The following SNRPN variants were observed in gnomAD, a reference collection of about 807,000 sequenced individuals.
SNRPN encodes the protein small nuclear ribonucleoprotein polypeptide N, also known as small nuclear ribonucleoprotein-associated protein N.
Under a neutral mutation model 25.2 loss-of-function variants are expected in SNRPN, and 7 were observed. The observed-to-expected ratio is 0.28, with a 90% CI of 0.16 to 0.52. The LOEUF is 0.52. Among genes scored for constraint, SNRPN ranks in the 20% least tolerant of loss-of-function variants. The pLI, the probability that SNRPN is intolerant of heterozygous loss-of-function variation, is 0.96. For missense variants in SNRPN, 196 were observed against 322.5 expected (o/e 0.61, Z 3.00); for synonymous variants, 124 against 110.6 (o/e 1.12, Z -0.76).
intron 6 of SNRPN, among the ~76,000 whole-genome samples, chr15:24,976,632 A>G (rs912859578): frequency 1.3e-5 from 2 of 152,228 alleles, no homozygotes; most frequent in African/African-American, 2.4e-5. Flanking sequence ...AGGTAAGGGT[A>G]GGAGTTGGTG....
intron 3 of SNRPN, among the ~76,000 whole-genome samples, chr15:24,933,668 CAA>C (rs907894018): frequency 6.6e-6 from 1 of 152,154 alleles, no homozygotes; most frequent in African/African-American, 2.4e-5. Context: ...CTGAACACAT[CAA>C]AGGGATTGCC....
rs2074176766 is a variant in SNRPN, at chr15:24,958,432, ATTG to A, written c.-391+3373_-391+3375del. On this transcript the variant is annotated intron_variant, in intron 1 of 9. Transcript: ENST00000390687. ...CCAGGGCCAGAAAGCTTGAGTGAGA[ATTG>A]TTACTACTTAAGGTAGCCTCTCTCC... Among the ~76,000 whole-genome samples the A allele has an allele frequency of 2.9e-5, 4 of 137,526 alleles. No individual in the cohort carries two copies. The South Asian group carries it at 1.0e-3, about 35-fold the overall frequency. 90.2% of individuals were successfully genotyped at this position (137,526 alleles called of 152,430 possible). A position where few individuals can be genotyped will look rare whatever the true frequency, so the allele number is the denominator to read the frequency against.
At chr15:24,848,273 C>CGGCGGCGGGGGCGGGGGT (rs2052431704) in intron 2 of SNRPN, 1 of 149,188 alleles carries the variant, frequency 6.7e-6, no homozygotes, top group Non-Finnish European at 1.5e-5. Context: ...GGGGCGGGGG[C>CGGCGGCGGGGGCGGGGGT]AGATCCTATT....
chr15:24,873,136 G>C (rs1485315571), intron 1 of SNRPN, among the ~76,000 whole-genome samples: 1 of 115,290 alleles, frequency 8.7e-6, no homozygotes, highest in African/African-American at 3.1e-5. Context: ...ATGAATTTTA[G>C]AATCAGCTTA....
chr15:24,953,713 A>G (rs1459440258), upstream of SNRPN, among the ~76,000 whole-genome samples: 2 of 152,216 alleles, frequency 1.3e-5, no homozygotes, highest in African/African-American at 4.8e-5. Context: ...AGAAATTGCA[A>G]TGTTTTTGTA....
At chr15:24,889,170 G>C (rs1206792134) in intron 2 of SNRPN, among the ~76,000 whole-genome samples, 1 of 152,116 alleles carries the variant, frequency 6.6e-6, no homozygotes, top group African/African-American at 2.4e-5. Context: ...CACCCACCTT[G>C]GCCTTCCAAA....
At chr15:24,884,004 T>TAAA (rs34950476) in intron 1 of SNRPN, among the ~76,000 whole-genome samples, 14 of 127,144 alleles carry the variant, frequency 1.1e-4, no homozygotes, top group Admixed American at 2.5e-4. Flanking sequence ...CCACTCTGTC[T>TAAA]AAAAAAAAAA....
At chr15:24,880,376 C>G (rs2056462303) in intron 1 of SNRPN, among the ~76,000 whole-genome samples, 1 of 152,118 alleles carries the variant, frequency 6.6e-6, no homozygotes, top group Admixed American at 6.6e-5. Flanking sequence ...TTTCCTGGAG[C>G]CCGCAGTCTG....
intron 2 of SNRPN, among the ~76,000 whole-genome samples, chr15:24,897,410 A>G (rs2058140402): frequency 6.6e-6 from 1 of 152,200 alleles, no homozygotes; most frequent in Non-Finnish European, 1.5e-5. Context: ...CAACGTAGCA[A>G]GACCCTGTCT....
chr15:24,897,501 C>T (rs576165925), intron 2 of SNRPN, among the ~76,000 whole-genome samples: 226 of 152,248 alleles, frequency 1.5e-3, no homozygotes, highest in Admixed American at 2.2e-3. Context: ...GGGAAGATTT[C>T]TTTAGCCCAG....
At chr15:24,889,975 G>A (rs933694021) in intron 2 of SNRPN, among the ~76,000 whole-genome samples, 14 of 148,932 alleles carry the variant, frequency 9.4e-5, no homozygotes, top group Middle Eastern at 7.0e-3. Context: ...GCTTGAACCC[G>A]AGAGGCAGAG....
rs2054448510 is a variant in SNRPN, at chr15:24,865,123, TG to T, written c.-579+8408del. On this transcript the variant is annotated intron_variant, in intron 1 of 11. Transcript: ENST00000400097. ...GTGCCATGGTACCATCGTGGCTCAC[TG>T]CAACCTCTGCCTCCCAGGTTCAAGC... 2.0e-5 allele frequency among the ~76,000 whole-genome samples: 3 copies of T among 150,564 alleles called. No homozygotes were observed. The South Asian group carries it at 6.3e-4, about 32-fold the overall frequency.
chr15:24,891,524 G>A (rs2057674564), intron 2 of SNRPN, among the ~76,000 whole-genome samples: 1 of 151,518 alleles, frequency 6.6e-6, no homozygotes, highest in South Asian at 2.1e-4. Flanking sequence ...TGCAACTTCT[G>A]CCTCCTGGGT....
chr15:24,907,578 A>G (rs2058901993), intron 2 of SNRPN, among the ~76,000 whole-genome samples: 1 of 152,054 alleles, frequency 6.6e-6, no homozygotes, highest in Non-Finnish European at 1.5e-5. Flanking sequence ...AGCCTGGGTG[A>G]CAGAGCGAGA....
intron 2 of SNRPN, among the ~76,000 whole-genome samples, chr15:24,843,096 A>T (rs891175534): frequency 1.3e-5 from 2 of 152,094 alleles, no homozygotes; most frequent in Non-Finnish European, 2.9e-5. Context: ...TTTTTAAGAC[A>T]GAGTTTCGCT....
chr15:24,959,968 G>A (rs1001657010), intron 1 of SNRPN, among the ~76,000 whole-genome samples: 4 of 152,230 alleles, frequency 2.6e-5, no homozygotes, highest in Middle Eastern at 3.4e-3. Context: ...AGGTATAATA[G>A]AAAGAACATG....
chr15:24,844,829 A>C (rs1455450301), intron 2 of SNRPN, among the ~76,000 whole-genome samples: 1 of 152,026 alleles, frequency 6.6e-6, no homozygotes, highest in African/African-American at 2.4e-5. Context: ...CAGCCAATTT[A>C]TCCATTTTTA....
At chr15:24,834,036 T>C (rs4028392) in intron 2 of SNRPN, among the ~76,000 whole-genome samples, 86,293 of 151,992 alleles carry the variant, frequency 0.57, 24,864 homozygotes, top group East Asian at 0.82. Flanking sequence ...AGTGATTCTC[T>C]TGCCTCAGCC....
At chr15:24,832,530 G>C (rs1021033833) in intron 2 of SNRPN, among the ~76,000 whole-genome samples, 1 of 152,034 alleles carries the variant, frequency 6.6e-6, no homozygotes, top group Non-Finnish European at 1.5e-5. Context: ...TTGAAAAAAG[G>C]GCACTCTGAT....
Sources: gnomAD v4.1 joint callset for allele counts (sites outside exome capture counted in the v4.1 genomes callset) on GRCh38, gnomAD v4.1.1 for gene constraint, MANE v1.5 for transcripts, NCBI Gene and HGNC (gene_info 2026-07-23, HGNC 2026-07-21) for gene names.